Variants in ZNF208 observed in about 807,000 individuals in gnomAD.
ZNF208 encodes zinc finger protein 95.
Under a neutral mutation model 12.1 loss-of-function variants are expected in ZNF208, and 10 were observed. The ratio of observed to expected loss-of-function variants is 0.83; its 90% CI spans 0.51 to 1.40. The LOEUF is 1.40. Ranked by LOEUF, ZNF208 falls within the 40% of genes most tolerant of loss-of-function variation. The pLI, the probability that ZNF208 is intolerant of heterozygous loss-of-function variation, is 0.00. For missense variants in ZNF208, 1,652 were observed against 1,485.0 expected, an observed-to-expected ratio of 1.11 and a Z score of -1.85; for synonymous variants, 497 against 488.4, an observed-to-expected ratio of 1.02 and a Z score of -0.23.
Position 21,972,652 on chromosome 19 carries a change from T to C in ZNF208, c.2382A>G (p.Lys794=). Residue 794 remains lysine, a synonymous_variant, in exon 4 of 4, where the codon AAA becomes AAG. Coordinates refer to ENST00000397126, the MANE Select transcript of ZNF208 (RefSeq NM_007153.3). ...TCTCATCAGTATGAATTCTCTTATG[T>C]TTAATAAGGATTGCAGATCGGTTAA... is the stretch of plus-strand genomic sequence containing the variant. ...KAFNRSAILI[K]HKRIHTDEKP... 1 of 1,613,086 alleles carries C rather than the reference T, an allele frequency of 6.2e-7. No individual in the cohort carries two copies. The highest frequency in any genetic ancestry group is 8.5e-7 in the Non-Finnish European group (1 of 1,179,834).
intron 2 of ZNF208, among the ~76,000 whole-genome samples, chr19:21,987,536 A>G (rs1352300616): frequency 1.3e-5 from 2 of 152,140 alleles, no homozygotes; most frequent in Non-Finnish European, 2.9e-5. Flanking sequence ...CCGAGGAGGA[A>G]AGCCTCCTTA....
rs149683916 is a variant in ZNF208 at position 21,956,575 on chromosome 19, T to C, written c.305+18154A>G. Among the ~76,000 whole-genome samples the C allele has an allele frequency of 7.7e-3, 1,175 of 152,276 alleles. 9 individuals carry two copies. Among genetic ancestry groups the C allele is most frequent in the African/African-American group, 0.026 (1,101 of 41,556 alleles). ...CCCTAGCCTTGCTGCCACCTTGCAG[T>C]TCAATCTCAGACTGCTGTGCTAGCA... On this transcript the variant is annotated intron_variant, in intron 4 of 4. Coordinates refer to the ZNF208 transcript ENST00000599916.
Position 21,972,543 on chromosome 19 carries a change from T to C in ZNF208, c.2491A>G (p.Lys831Glu), listed in dbSNP as rs1371330821. Residue 831 changes from lysine to glutamate, a missense_variant, in exon 4 of 4, where the codon AAG becomes GAG. Around this residue, in one of 3 missense-constraint regions of ZNF208, gnomAD observed 1,239 missense variants for 1,086.2 expected, o/e 1.14. Coordinates refer to ENST00000397126, the MANE Select transcript of ZNF208 (RefSeq NM_007153.3). ...TTHKAIHAGE[K>E]PYKCKECGKA... ...CCACATTCTTTACATTTGTAGGGCT[T>C]TTCTCCAGCATGAATTGCCTTATGT... The C allele has an allele frequency of 6.2e-7, 1 of 1,613,210 alleles. No individual in the cohort carries two copies. Among genetic ancestry groups the C allele is most frequent in the Non-Finnish European group, 8.5e-7 (1 of 1,179,852 alleles).
intron 1 of ZNF208, among the ~76,000 whole-genome samples, chr19:21,994,952 TTC>T (rs775606351): frequency 6.9e-6 from 1 of 143,918 alleles, no homozygotes; most frequent in Non-Finnish European, 1.5e-5. Context: ...TGTTTTTCTT[TTC>T]TTTTTTTTTT....
chr19:21,989,211 A>G (rs887756946), intron 1 of ZNF208, among the ~76,000 whole-genome samples: 8 of 147,482 alleles, frequency 5.4e-5, no homozygotes, highest in Admixed American at 4.0e-4. Flanking sequence ...AGCATTAGGT[A>G]TATCTCCTAA....
Position 21,971,195 on chromosome 19 carries a change from A to C in ZNF208, c.3839T>G (p.Leu1280Arg). Residue 1280 changes from leucine to arginine, a missense_variant, in exon 4 of 4, where the codon CTC becomes CGC. Leu to Arg is a moderately radical substitution (Grantham distance 102). Transcript: ENST00000397126. ...KHKKIHTGEK[L>R] The stretch of plus-strand genomic sequence containing the variant: ...TTTGCCACATTCTTCACATTTCTAG[A>C]GTTTCTCTCCAGTATGAATTTTCTT... 2 of 1,603,712 alleles carry C rather than the reference A, an allele frequency of 1.2e-6. No individual in the cohort carries two copies. The highest frequency in any genetic ancestry group is 1.7e-6 in the Non-Finnish European group (2 of 1,177,334).
chr19:21,953,177 A>G (rs114443803), intron 4 of ZNF208, among the ~76,000 whole-genome samples: 1,746 of 152,274 alleles, frequency 0.011, 34 homozygotes, highest in African/African-American at 0.041. Flanking sequence ...AAAAGACCAA[A>G]TCTACATTTG....
rs764752433 is a variant in ZNF208, at chr19:21,974,075, T to A, written c.959A>T (p.Lys320Ile). 3.0e-5 allele frequency: 45 copies of A among 1,523,374 alleles called. 2 individuals carry two copies. The highest frequency in any genetic ancestry group is 4.0e-5 in the Non-Finnish European group (45 of 1,131,038). 94.4% of individuals were successfully genotyped at this position (1,523,374 alleles called of 1,614,324 possible). Residue 320 changes from lysine to isoleucine, a missense_variant, in exon 4 of 4, where the codon AAA becomes ATA. Lys to Ile is a moderately radical substitution (Grantham distance 102). This residue lies in a region of ZNF208 where 410 missense variants were observed against 378.2 expected (regional missense o/e 1.08). Coordinates refer to ENST00000397126, the MANE Select transcript of ZNF208 (RefSeq NM_007153.3). ...AAGGGTTGAGACCTTACTGAAGGCT[T>A]TGCCACATTCTTTACATTTGTAGGG... The part of the protein sequence containing the change: ...EKPYKCKECG[K>I]AFSKVSTLIT...
At chr19:21,960,914 A>G (rs1290119903) in intron 4 of ZNF208, among the ~76,000 whole-genome samples, 1 of 152,212 alleles carries the variant, frequency 6.6e-6, no homozygotes, top group Non-Finnish European at 1.5e-5. Flanking sequence ...AACCCTATTC[A>G]GTGTGAAGAT....
intron 4 of ZNF208, among the ~76,000 whole-genome samples, chr19:21,950,560 C>T (rs917262342): frequency 4.0e-5 from 6 of 149,420 alleles, no homozygotes; most frequent in Non-Finnish European, 8.9e-5. Flanking sequence ...ACAGCACAAT[C>T]GTGGCTCACT....
At chr19:21,940,862 G>T in intron 4 of ZNF208, 1 of 154,126 alleles carries the variant, frequency 6.5e-6, no homozygotes, top group South Asian at 2.0e-4. Context: ...GCAGGTCGAG[G>T]AGGGCTCGGC....
Position 22,010,912 on chromosome 19 carries a change from C to G in ZNF208, c.-118G>C. The G allele has an allele frequency of 1.4e-6, 2 of 1,456,048 alleles. No individual in the cohort carries two copies. Among genetic ancestry groups the G allele is most frequent in the Non-Finnish European group, 1.9e-6 (2 of 1,042,690 alleles). 90.2% of individuals were successfully genotyped at this position (1,456,048 alleles called of 1,614,324 possible). Reference sequence around the variant, plus strand: ...AGGACACACAGCAGTAAGGACGAGACCTTGACCTCCGGCTGCAGCGAGAGA... The same window carrying G: ...AGGACACACAGCAGTAAGGACGAGAGCTTGACCTCCGGCTGCAGCGAGAGA... On this transcript the variant is annotated 5_prime_UTR_variant, in exon 1 of 4. Coordinates refer to ENST00000397126, the MANE Select transcript of ZNF208 (RefSeq NM_007153.3).
intron 1 of ZNF208, 121 bp from the exon 2 acceptor site, chr19:21,989,030 T>C: frequency 7.7e-7 from 1 of 1,299,130 alleles, no homozygotes; most frequent in Non-Finnish European, 1.1e-6. Context: ...ACTGAAATTA[T>C]TCAATAAAAT....
At position 21,968,937 on chromosome 19, in the gene ZNF208, G is replaced by A. The variant is rs1272258589; in HGVS notation, c.*2254C>T. On this transcript the variant is annotated 3_prime_UTR_variant, in exon 4 of 4. Coordinates refer to ENST00000397126, the MANE Select transcript of ZNF208 (RefSeq NM_007153.3). ...CTGTGGCTCATGCCTGCAATCCCAG[G>A]ACTTTGGGTGGCCAAGGTGGGCATA... 6.6e-6 allele frequency among the ~76,000 whole-genome samples: 1 copy of A among 152,066 alleles called. No individual in the cohort carries two copies. Among genetic ancestry groups the A allele is most frequent in the Non-Finnish European group, 1.5e-5 (1 of 68,012 alleles).
chr19:21,971,252 G>C lies in ZNF208; in HGVS notation c.3782C>G (p.Ala1261Gly), dbSNP rs1198563888. 2 of 1,611,066 alleles carry C rather than the reference G, an allele frequency of 1.2e-6. No individual in the cohort carries two copies. Among genetic ancestry groups the C allele is most frequent in the Non-Finnish European group, 1.7e-6 (2 of 1,179,678 alleles). The change falls in exon 4 of 4, where the codon GCC (alanine) becomes GGC (glycine). Residue 1261 changes from alanine (A) to glycine (G), a missense_variant. By Grantham distance (60) the Ala-to-Gly change is moderately conservative. Around this residue, in one of 3 missense-constraint regions of ZNF208, gnomAD observed 1,239 missense variants for 1,086.2 expected, o/e 1.14. Coordinates refer to ENST00000397126, the MANE Select transcript of ZNF208 (RefSeq NM_007153.3). ...KPYKCEECGK[A>G]FSWLSVFSKH... ...ACTGAAGACTGATAACCAGCTGAAG[G>C]CTTTGCCACATTCTTCACATTTGTA...
rs1171529335 is a variant in ZNF208 at position 21,966,285 on chromosome 19, GTGT to G, written c.*4903_*4905del. ...TTCCTCCTTCTTTTTAGAATTCTCA[GTGT>G]TTATTGTTTTCATCTTTGTTTCCAT... On this transcript the variant is annotated 3_prime_UTR_variant, in exon 4 of 4. Coordinates refer to ENST00000397126, the MANE Select transcript of ZNF208 (RefSeq NM_007153.3). 6.6e-6 allele frequency: 1 copy of G among 151,840 alleles called. No homozygotes were observed. The highest frequency in any genetic ancestry group is 1.5e-5 in the Non-Finnish European group (1 of 67,946). 9.4% of individuals were successfully genotyped at this position (151,840 alleles called of 1,614,324 possible).
chr19:22,004,590 C>CA (rs574594707), intron 1 of ZNF208, among the ~76,000 whole-genome samples: 71 of 151,706 alleles, frequency 4.7e-4, no homozygotes, highest in Middle Eastern at 3.4e-3. Flanking sequence ...ACAACAACAA[C>CA]AAAAAAAACA....
chr19:21,993,884 A>C (rs1287072743), intron 1 of ZNF208, among the ~76,000 whole-genome samples: 1 of 152,250 alleles, frequency 6.6e-6, no homozygotes, highest in Non-Finnish European at 1.5e-5. Context: ...GGAAAACAAC[A>C]TGTGCACATG....
intron 3 of ZNF208, among the ~76,000 whole-genome samples, chr19:21,977,227 T>C (rs540132169): frequency 2.0e-5 from 3 of 152,308 alleles, no homozygotes; most frequent in South Asian, 4.2e-4. Context: ...AATACAATTA[T>C]AGTAGGATAT....
Sources: allele counts gnomAD v4.1 joint callset (sites outside exome capture counted in the v4.1 genomes callset), GRCh38; gene constraint gnomAD v4.1.1; regional missense constraint gnomAD v4.1.1; transcripts MANE v1.5; gene names NCBI Gene and HGNC (gene_info 2026-07-23, HGNC 2026-07-21).